RYR2: variants seen among roughly 807,000 people sequenced by gnomAD.
RYR2 encodes ryanodine receptor 2.
RYR2 carries 227 observed loss-of-function variants against 601.1 expected under a neutral mutation model. The observed-to-expected ratio is 0.38, with a 90% CI of 0.34 to 0.42. The LOEUF (loss-of-function observed/expected upper bound fraction) is 0.42, where lower values mean the gene tolerates loss of function less well. Ranked by LOEUF, RYR2 falls within the 10% of genes least tolerant of loss-of-function variation. RYR2 has a pLI of 1.00. For missense variants in RYR2, 4,646 were observed against 6,156.5 expected, an observed-to-expected ratio of 0.75 and a Z score of 8.21; for synonymous variants, 2,223 against 2,175.1, an observed-to-expected ratio of 1.02 and a Z score of -0.61.
At chr1:237,053,871 C>A (rs958094064) in intron 1 of RYR2, among the ~76,000 whole-genome samples, 2 of 152,192 alleles carry the variant, frequency 1.3e-5, no homozygotes, top group African/African-American at 4.8e-5. Context: ...TTTCCAGTCA[C>A]AGAATTCTCA....
At chr1:237,166,749 A>C (rs977572203) in intron 1 of RYR2, among the ~76,000 whole-genome samples, 1 of 152,260 alleles carries the variant, frequency 6.6e-6, no homozygotes. Flanking sequence ...ATTGTACTGC[A>C]GTGCAGAAGG....
At chr1:237,785,075 C>T in intron 90 of RYR2, 103 bp downstream of exon 90, 3 of 846,584 alleles carry the variant, frequency 3.5e-6, no homozygotes, top group Admixed American at 2.0e-5. Flanking sequence ...ACGGTGTTAC[C>T]TATGTGACTT....
At chr1:237,786,066 C>T (rs376934692) in intron 91 of RYR2, 30 bp downstream of exon 91, 99 of 1,402,368 alleles carry the variant, frequency 7.1e-5, no homozygotes, top group Non-Finnish European at 9.2e-5. Flanking sequence ...ACTTTTCCTT[C>T]GTTTCAGTTT....
At chr1:237,451,498 C>G (rs1658108600) in intron 14 of RYR2, among the ~76,000 whole-genome samples, 1 of 150,670 alleles carries the variant, frequency 6.6e-6, no homozygotes, top group Non-Finnish European at 1.5e-5. Context: ...CACTTAAACC[C>G]TGAACTCAGG....
chr1:237,624,910 A>G (rs1327018904), intron 39 of RYR2, among the ~76,000 whole-genome samples: 3 of 152,018 alleles, frequency 2.0e-5, no homozygotes, highest in African/African-American at 7.2e-5. Flanking sequence ...TTTGCATATT[A>G]ATTTGGTTTA....
chr1:237,364,335 C>A, intron 4 of RYR2, 23 bp from the exon 5 acceptor site: 1 of 1,571,818 alleles, frequency 6.4e-7, no homozygotes. Context: ...AATGTTTCCT[C>A]TCTTTTCCTT....
intron 1 of RYR2, among the ~76,000 whole-genome samples, chr1:237,237,479 C>T (rs537502443): frequency 5.5e-4 from 84 of 152,270 alleles, no homozygotes; most frequent in African/African-American, 2.0e-3. Context: ...TGTTCCGTTA[C>T]ACTCTCCTCC....
At chr1:237,473,471 A>G (rs750695516) in intron 17 of RYR2, among the ~76,000 whole-genome samples, 2 of 52,440 alleles carry the variant, frequency 3.8e-5, no homozygotes, top group African/African-American at 9.2e-5. Context: ...CTATCTATCT[A>G]TCTATCTGGC....
intron 96 of RYR2, 118 bp from the exon 97 acceptor site, chr1:237,797,919 A>G: frequency 1.1e-6 from 1 of 924,988 alleles, no homozygotes; most frequent in Non-Finnish European, 1.6e-6. Context: ...CTAGATTTTA[A>G]GTGATTGTTA....
chr1:237,398,281 G>A (rs2149911982), intron 10 of RYR2, among the ~76,000 whole-genome samples: 1 of 152,254 alleles, frequency 6.6e-6, no homozygotes, highest in South Asian at 2.1e-4. Flanking sequence ...CTCATCAACA[G>A]GAGAAAGTGT....
intron 97 of RYR2, among the ~76,000 whole-genome samples, chr1:237,800,972 C>A (rs1242458772): frequency 6.6e-6 from 1 of 152,030 alleles, no homozygotes; most frequent in African/African-American, 2.4e-5. Flanking sequence ...GCTATGAGAA[C>A]TGAGGGGAAG....
At chr1:237,251,081 G>A (rs1201560201) in intron 1 of RYR2, among the ~76,000 whole-genome samples, 2 of 149,436 alleles carry the variant, frequency 1.3e-5, no homozygotes, top group African/African-American at 2.5e-5. Context: ...TAGATACATT[G>A]TCTCTCCCTA....
intron 62 of RYR2, among the ~76,000 whole-genome samples, chr1:237,681,249 C>G (rs191202067): frequency 6.6e-6 from 1 of 152,240 alleles, no homozygotes. Flanking sequence ...TGTATCGGAA[C>G]AAAATTTCTA....
intron 101 of RYR2, among the ~76,000 whole-genome samples, chr1:237,826,435 T>G (rs1052771612): frequency 6.6e-6 from 1 of 152,132 alleles, no homozygotes; most frequent in East Asian, 1.9e-4. Context: ...AAACGCCACA[T>G]GTTCTCACTC....
chr1:237,313,389 C>T (rs949128274), intron 2 of RYR2, among the ~76,000 whole-genome samples: 1 of 151,890 alleles, frequency 6.6e-6, no homozygotes, highest in Admixed American at 6.6e-5. Context: ...CACAAGTGTG[C>T]TTATAAGGGG....
At chr1:237,385,027 T>C (rs1309242251) in intron 8 of RYR2, among the ~76,000 whole-genome samples, 1 of 152,002 alleles carries the variant, frequency 6.6e-6, no homozygotes, top group African/African-American at 2.4e-5. Flanking sequence ...GTAACTGGGA[T>C]TACAAGTGCC....
At chr1:237,369,665 A>T in intron 6 of RYR2, 57 bp downstream of exon 6, 2 of 1,378,818 alleles carry the variant, frequency 1.5e-6, no homozygotes, top group Middle Eastern at 1.8e-4. Context: ...TTGGGGGTAC[A>T]TGGTCTGCAA....
intron 58 of RYR2, among the ~76,000 whole-genome samples, chr1:237,669,917 T>C (rs376645201): frequency 4.6e-5 from 7 of 151,008 alleles, no homozygotes; most frequent in African/African-American, 1.2e-4. Flanking sequence ...AATCTCGGCA[T>C]TTTGGGAGGC....
intron 14 of RYR2, 70 bp from the exon 15 acceptor site, chr1:237,454,321 C>A (rs949949118): frequency 6.8e-7 from 1 of 1,468,224 alleles, no homozygotes; most frequent in Non-Finnish European, 9.2e-7. Flanking sequence ...TGCCTGAAAT[C>A]ATCTATAAAT....
Sources: gnomAD v4.1 joint callset for allele counts (sites outside exome capture counted in the v4.1 genomes callset) on GRCh38, gnomAD v4.1.1 for gene constraint, MANE v1.5 for transcripts, NCBI Gene and HGNC (gene_info 2026-07-23, HGNC 2026-07-21) for gene names.